Variants in DNAH6 observed in about 807,000 individuals in gnomAD.
DNAH6 encodes dynein axonemal heavy chain 6.
In DNAH6, 340 loss-of-function variants were observed where a neutral mutation model predicts 491.4. The ratio of observed to expected loss-of-function variants is 0.69; its 90% CI spans 0.63 to 0.76. DNAH6 has a LOEUF of 0.76. Ranked by LOEUF, DNAH6 falls within the 30% of genes least tolerant of loss-of-function variation. DNAH6 has a pLI of 0.00. For synonymous variants in DNAH6, 1,603 were observed against 1,686.1 expected (o/e 0.95, Z 1.21); for missense variants, 4,443 against 4,972.2 (o/e 0.89, Z 3.20).
intron 4 of DNAH6, among the ~76,000 whole-genome samples, chr2:84,538,135 C>T (rs1357317010): frequency 6.6e-6 from 1 of 152,038 alleles, no homozygotes. Context: ...GATTTTAGAA[C>T]CCAAGTCCTC....
chr2:84,658,116 T>G (rs1691151240), intron 35 of DNAH6, among the ~76,000 whole-genome samples, 176 bp from the exon 36 acceptor site: 1 of 152,008 alleles, frequency 6.6e-6, no homozygotes. Context: ...ATGTATCCCT[T>G]CCCAGTCATA....
intron 70 of DNAH6, among the ~76,000 whole-genome samples, chr2:84,799,767 G>A (rs1156445342): frequency 2.0e-5 from 3 of 152,204 alleles, no homozygotes; most frequent in Non-Finnish European, 1.5e-5. Flanking sequence ...AAGGAAATGG[G>A]GGTGTGATGC....
At position 84,654,671 on chromosome 2, in the gene DNAH6, G is replaced by A. The variant is rs765257940; in HGVS notation, c.5646G>A (p.Leu1882=). The change falls in exon 35 of 77, where the codon CTG becomes CTA. Residue 1882 remains leucine, a synonymous_variant. Coordinates refer to ENST00000389394, the MANE Select transcript of DNAH6 (RefSeq NM_001370.2). ...TTCTTCAACTTTAGGTGCAAGATCT[G>A]CGGGTTGCCTCCCCTGCAACAGTCA... is the stretch of plus-strand genomic sequence containing the variant. The part of the protein sequence containing the change: ...QIHMLFEVQD[L]RVASPATVSR... 6.4e-7 allele frequency: 1 copy of A among 1,550,798 alleles called. No individual in the cohort carries two copies. The highest frequency in any genetic ancestry group is 8.7e-7 in the Non-Finnish European group (1 of 1,146,252).
At position 84,697,587 on chromosome 2, in the gene DNAH6, G is replaced by A; in HGVS notation, c.7537G>A (p.Glu2513Lys). The A allele has an allele frequency of 1.3e-6, 2 of 1,551,686 alleles. No individual in the cohort carries two copies. The highest frequency in any genetic ancestry group is 1.7e-6 in the Non-Finnish European group (2 of 1,146,912). The change falls in exon 47 of 77, where the codon GAG (glutamate) becomes AAG (lysine). Residue 2513 changes from glutamate to lysine, a missense_variant. Glu to Lys is a moderately conservative substitution (Grantham distance 56, BLOSUM62 1). Around this residue, in one of 3 missense-constraint regions of DNAH6, gnomAD observed 2,977 missense variants for 3,296.6 expected, o/e 0.90. Coordinates refer to ENST00000389394, the MANE Select transcript of DNAH6 (RefSeq NM_001370.2). ...CTTTCTTCTACAGATTGTAGTGGAG[G>A]AGTTCCTAGAAGATATAAATAACAT... ...LFTDTQIVVE[E>K]FLEDINNILN...
intron 14 of DNAH6, among the ~76,000 whole-genome samples, chr2:84,580,402 C>T (rs1449426695): frequency 6.6e-6 from 1 of 152,090 alleles, no homozygotes; most frequent in Non-Finnish European, 1.5e-5. Context: ...TTCCTCCTCT[C>T]AGCCTCTTCC....
chr2:84,724,566 C>G lies in DNAH6; in HGVS notation c.9972+1762C>G, dbSNP rs189235425. Reference sequence around the variant, plus strand: ...TCCCTCTGTTTAAAATGGCCTTCCTCCCAACCTAAATGCTGCTGGGACTGC... The same window carrying G: ...TCCCTCTGTTTAAAATGGCCTTCCTGCCAACCTAAATGCTGCTGGGACTGC... On this transcript the variant is annotated intron_variant, in intron 60 of 76. Transcript: ENST00000389394. Among the ~76,000 whole-genome samples, 7 of 152,300 alleles carry G rather than the reference C, an allele frequency of 4.6e-5. No homozygotes were observed. The East Asian group carries it at 1.4e-3, about 29-fold the overall frequency.
Position 84,727,857 on chromosome 2 carries a change from T to C in DNAH6, c.10161T>C (p.Asp3387=). The C allele has an allele frequency of 6.4e-7, 1 of 1,552,144 alleles. No individual in the cohort carries two copies. Among genetic ancestry groups the C allele is most frequent in the Non-Finnish European group, 8.7e-7 (1 of 1,147,008 alleles). ...TGCGTCAGCAAGGAACCCTATCTGA[T>C]GCTGAATGGAATTTCTTTCTCCGAG... ...EMMRQQGTLS[D]AEWNFFLRGS... The change falls in exon 61 of 77, where the codon GAT becomes GAC. Residue 3387 remains aspartate (D), a synonymous_variant. Coordinates refer to ENST00000389394, the MANE Select transcript of DNAH6 (RefSeq NM_001370.2).
chr2:84,806,276 T>C lies in DNAH6; in HGVS notation c.11611+482T>C, dbSNP rs148974215. The stretch of plus-strand genomic sequence containing the variant: ...GAATCCATTTAAATTTTTTCTCCAC[T>C]TAGAAGACATATGGCTAAATTACTT... On this transcript the variant is annotated intron_variant, in intron 71 of 76. Transcript: ENST00000389394. Among the ~76,000 whole-genome samples, 268 of 152,332 alleles carry C rather than the reference T, an allele frequency of 1.8e-3. 2 individuals carry two copies. Among genetic ancestry groups the C allele is most frequent in the African/African-American group, 6.1e-3 (252 of 41,566 alleles).
At chr2:84,549,791 T>C (rs1679141619) in intron 8 of DNAH6, 98 bp from the exon 9 acceptor site, 1 of 807,232 alleles carries the variant, frequency 1.2e-6, no homozygotes, top group East Asian at 2.7e-5. Context: ...GGAGAAATTA[T>C]GATATTTTAC....
chr2:84,782,564 C>T (rs1024282098), intron 65 of DNAH6, among the ~76,000 whole-genome samples: 2 of 152,210 alleles, frequency 1.3e-5, no homozygotes, highest in Non-Finnish European at 2.9e-5. Context: ...CCCCTAAAAG[C>T]CCTTCACTTC....
At chr2:84,490,727 A>G in the DNAH6 span, among the ~76,000 whole-genome samples, 2 of 152,034 alleles carry the variant, frequency 1.3e-5, no homozygotes, top group African/African-American at 4.8e-5. Flanking sequence ...ACACTCGGCT[A>G]ATTTTTATAT....
chr2:84,670,872 C>T (rs1692677913), intron 39 of DNAH6, among the ~76,000 whole-genome samples: 1 of 152,198 alleles, frequency 6.6e-6, no homozygotes, highest in Non-Finnish European at 1.5e-5. Flanking sequence ...TACTTTCAGC[C>T]AGGTTTTGTG....
Position 84,701,298 on chromosome 2 carries a change from T to C in DNAH6, c.8020T>C (p.Tyr2674His), listed in dbSNP as rs1011899627. 6.4e-7 allele frequency: 1 copy of C among 1,552,034 alleles called. No individual in the cohort carries two copies. The highest frequency in any genetic ancestry group is 2.4e-5 in the East Asian group (1 of 40,920). Residue 2674 changes from tyrosine (Y) to histidine (H), a missense_variant, in exon 49 of 77, where the codon TAC (tyrosine) becomes CAC (histidine). Tyr to His is a moderately conservative substitution (Grantham distance 83). Around this residue, in one of 3 missense-constraint regions of DNAH6, gnomAD observed 2,977 missense variants for 3,296.6 expected, o/e 0.90. Transcript: ENST00000389394. Reference protein sequence around the residue: ...PTSYLELINLYLSMLSEKRKQ... With the variant: ...PTSYLELINLHLSMLSEKRKQ... ...CTCCTACCTGGAGCTTATCAATCTTTACCTGTCTATGCTGTCTGAAAAAAG... is the reference window on the plus strand; with the variant it reads ...CTCCTACCTGGAGCTTATCAATCTTCACCTGTCTATGCTGTCTGAAAAAAG...
At chr2:84,591,554 A>G (rs1248937298) in intron 16 of DNAH6, among the ~76,000 whole-genome samples, 3 of 152,174 alleles carry the variant, frequency 2.0e-5, no homozygotes, top group Admixed American at 6.5e-5. Flanking sequence ...TATACATTCA[A>G]TGCAATCCTT....
the DNAH6 span, among the ~76,000 whole-genome samples, chr2:84,510,322 A>G: frequency 6.6e-6 from 1 of 152,170 alleles, no homozygotes; most frequent in Middle Eastern, 3.4e-3. Flanking sequence ...CATTTCATTC[A>G]TTTGATCTTC....
At chr2:84,672,188 C>A in intron 39 of DNAH6, 139 bp from the exon 40 acceptor site, 1 of 803,460 alleles carries the variant, frequency 1.2e-6, no homozygotes, top group South Asian at 2.2e-5. Flanking sequence ...GGAAGTCTCT[C>A]CTCCTCCAGG....
At chr2:84,550,430 C>T (rs988570563) in intron 9 of DNAH6, among the ~76,000 whole-genome samples, 3 of 152,202 alleles carry the variant, frequency 2.0e-5, no homozygotes, top group African/African-American at 7.2e-5. Context: ...TCACCCTCTG[C>T]TCACCTCCTG....
At chr2:84,509,854 G>A in the DNAH6 span, among the ~76,000 whole-genome samples, 173 of 152,308 alleles carry the variant, frequency 1.1e-3, 1 homozygote, top group Non-Finnish European at 2.1e-3. Flanking sequence ...GGCTGGATAT[G>A]AAATTCTGGG....
chr2:84,567,200 A>AT (rs1414421910), intron 11 of DNAH6, among the ~76,000 whole-genome samples: 1 of 152,154 alleles, frequency 6.6e-6, no homozygotes, highest in Non-Finnish European at 1.5e-5. Context: ...TGTATTACAT[A>AT]TTATAGCTGA....
Sources: allele counts gnomAD v4.1 joint callset (sites outside exome capture counted in the v4.1 genomes callset), GRCh38; gene constraint gnomAD v4.1.1; regional missense constraint gnomAD v4.1.1; transcripts MANE v1.5; gene names NCBI Gene and HGNC (gene_info 2026-07-23, HGNC 2026-07-21).